The following ANKS1B variants were observed in gnomAD, a reference collection of about 807,000 sequenced individuals.
ANKS1B encodes the protein ankyrin repeat and sterile alpha motif domain-containing protein 1B.
A neutral mutation model predicts 148.3 loss-of-function variants in ANKS1B; 36 were observed. The observed-to-expected ratio is 0.24, with a 90% confidence interval of 0.19 to 0.32. The LOEUF is 0.32. Among genes scored for constraint, ANKS1B ranks in the 10% least tolerant of loss-of-function variants. The pLI is 1.00. For synonymous variants in ANKS1B, 542 were observed against 560.8 expected, an observed-to-expected ratio of 0.97 and a Z score of 0.47; for missense variants, 1,157 against 1,542.6, an observed-to-expected ratio of 0.75 and a Z score of 4.19.
At chr12:99,648,812 T>C in intron 9 of ANKS1B, 1 of 1,595,036 alleles carries the variant, frequency 6.3e-7, no homozygotes, top group Non-Finnish European at 8.6e-7. Context: ...AGAGACTAGA[T>C]GGGGCCTGGA....
intron 17 of ANKS1B, among the ~76,000 whole-genome samples, chr12:99,032,419 G>C (rs1238461958): frequency 6.6e-6 from 1 of 152,154 alleles, no homozygotes; most frequent in Non-Finnish European, 1.5e-5. Flanking sequence ...TTGCTTCTTT[G>C]AGCTTCTGGT....
intron 15 of ANKS1B, among the ~76,000 whole-genome samples, chr12:99,113,503 A>G (rs1325274875): frequency 1.3e-5 from 2 of 152,264 alleles, no homozygotes; most frequent in African/African-American, 4.8e-5. Flanking sequence ...ATTAGCAGGT[A>G]CTCAATAAAC....
chr12:99,876,896 C>T (rs910839214), intron 1 of ANKS1B, among the ~76,000 whole-genome samples: 3 of 152,128 alleles, frequency 2.0e-5, no homozygotes, highest in East Asian at 1.9e-4. Flanking sequence ...CAAAAAGACT[C>T]GAAACACAGC....
chr12:98,976,179 G>T (rs527897974), intron 17 of ANKS1B, among the ~76,000 whole-genome samples: 1 of 152,110 alleles, frequency 6.6e-6, no homozygotes, highest in Non-Finnish European at 1.5e-5. Flanking sequence ...ACTATTGGCC[G>T]GTGTTTAGTT....
intron 15 of ANKS1B, chr12:99,093,251 CCTT>C: frequency 6.6e-6 from 1 of 152,324 alleles, no homozygotes; most frequent in East Asian, 1.9e-4. Context: ...GGTTAGTTCT[CCTT>C]CTAAACTACC....
intron 9 of ANKS1B, among the ~76,000 whole-genome samples, chr12:99,637,640 TC>T (rs1190206377): frequency 6.6e-6 from 1 of 152,020 alleles, no homozygotes; most frequent in African/African-American, 2.4e-5. Context: ...CCTACATTTT[TC>T]TTTCATGCTG....
intron 9 of ANKS1B, among the ~76,000 whole-genome samples, chr12:99,637,792 T>TATATATATATATA (rs1555522658): frequency 6.9e-6 from 1 of 144,756 alleles, no homozygotes; most frequent in Non-Finnish European, 1.5e-5. Context: ...CTCCCCTTTC[T>TATATATATATATA]ATATATATAT....
intron 9 of ANKS1B, among the ~76,000 whole-genome samples, chr12:99,607,277 G>A (rs1466998215): frequency 6.6e-6 from 1 of 152,070 alleles, no homozygotes; most frequent in East Asian, 1.9e-4. Context: ...CTTTATGGGA[G>A]CCTAGCAGTC....
At chr12:98,840,840 A>G (rs1035132133) in intron 17 of ANKS1B, among the ~76,000 whole-genome samples, 1 of 152,192 alleles carries the variant, frequency 6.6e-6, no homozygotes, top group African/African-American at 2.4e-5. Flanking sequence ...CTGCCAGTTA[A>G]GTTTTTATAG....
At chr12:99,825,224 C>T in intron 2 of ANKS1B, 85 bp downstream of exon 2, 6 of 1,160,358 alleles carry the variant, frequency 5.2e-6, no homozygotes, top group Non-Finnish European at 7.5e-6. Context: ...CTCACAGAGA[C>T]ATGAGAAAGG....
chr12:98,744,500 ACT>A lies in ANKS1B; in HGVS notation c.*1237_*1238del, dbSNP rs2097841588. On this transcript the variant is annotated 3_prime_UTR_variant, in exon 27 of 27. Transcript: ENST00000683438. ...TATTTTTTTCTATAATGATATTGGT[ACT>A]GTTTATATAATTTGATTCTACATAA... 1.4e-5 allele frequency: 8 copies of A among 591,158 alleles called. No homozygotes were observed. In the Admixed American group the frequency reaches 4.4e-4, roughly 33 times the overall value. The allele number at this position is 591,158 out of a possible 1,614,324, so 36.6% of individuals were successfully genotyped here. A position where few individuals can be genotyped will look rare whatever the true frequency, so the allele number is the denominator to read the frequency against.
At chr12:98,989,860 T>G (rs1225531665) in intron 17 of ANKS1B, among the ~76,000 whole-genome samples, 1 of 151,270 alleles carries the variant, frequency 6.6e-6, no homozygotes, top group Non-Finnish European at 1.5e-5. Flanking sequence ...GCCACTGCAT[T>G]GCAGCCTAGG....
Position 98,829,096 on chromosome 12 carries a change from A to G in ANKS1B, c.3066+78T>C. 6.7e-7 allele frequency: 1 copy of G among 1,500,940 alleles called. No homozygotes were observed. The highest frequency in any genetic ancestry group is 9.2e-7 in the Non-Finnish European group (1 of 1,085,182). 93.0% of individuals were successfully genotyped at this position (1,500,940 alleles called of 1,614,324 possible). ...AGTTAGGCACGGACAATAAGCATCC[A>G]TAGGAAGCTACTGTTCACTATTAAA... On this transcript the variant is annotated intron_variant, in intron 19 of 26. Transcript: ENST00000683438. The surrounding 1 kb of genome is among the most constrained non-coding windows in gnomAD (Gnocchi z 5.2).
At chr12:98,747,861 C>T (rs1366910180) in intron 26 of ANKS1B, among the ~76,000 whole-genome samples, 2 of 152,132 alleles carry the variant, frequency 1.3e-5, no homozygotes, top group African/African-American at 4.8e-5. Flanking sequence ...CACAGAAAGA[C>T]AAATATTGTA....
At chr12:99,771,168 G>A (rs2063156201) in intron 8 of ANKS1B, among the ~76,000 whole-genome samples, 1 of 151,912 alleles carries the variant, frequency 6.6e-6, no homozygotes, top group Non-Finnish European at 1.5e-5. Flanking sequence ...TTGGGTAAAC[G>A]AAAAATAATT....
chr12:99,407,376 T>C (rs2094556694), intron 11 of ANKS1B, among the ~76,000 whole-genome samples: 2 of 145,482 alleles, frequency 1.4e-5, no homozygotes, highest in South Asian at 4.2e-4. Flanking sequence ...AGACCTCGAA[T>C]AGTAAAAGCC....
chr12:99,293,960 C>G (rs1566827914), intron 12 of ANKS1B, among the ~76,000 whole-genome samples: 1 of 152,100 alleles, frequency 6.6e-6, no homozygotes, highest in Admixed American at 6.6e-5. Context: ...AAATGCAGAT[C>G]AAAACTACAA....
At chr12:99,567,720 A>C (rs748881822) in intron 9 of ANKS1B, among the ~76,000 whole-genome samples, 11 of 152,190 alleles carry the variant, frequency 7.2e-5, no homozygotes, top group African/African-American at 1.4e-4. Flanking sequence ...AGATATGCTA[A>C]AGGGGGCAGA....
chr12:98,757,928 A>G (rs78316778), intron 25 of ANKS1B, among the ~76,000 whole-genome samples: 2,593 of 107,240 alleles, frequency 0.024, 31 homozygotes, highest in Middle Eastern at 0.052. Flanking sequence ...ATGTGTGTGC[A>G]TGTGTGCACG....
Sources: gnomAD v4.1 joint callset for allele counts (sites outside exome capture counted in the v4.1 genomes callset) on GRCh38, gnomAD v4.1.1 for gene constraint, Gnocchi (gnomAD v3.1) non-coding constraint, MANE v1.5 for transcripts, NCBI Gene and HGNC (gene_info 2026-07-23, HGNC 2026-07-21) for gene names.